The following UNC13C variants were observed in gnomAD, a reference collection of about 807,000 sequenced individuals.
UNC13C encodes unc-13 homolog C, also known as protein unc-13 homolog C.
UNC13C carries 174 observed loss-of-function variants against 245.4 expected under a neutral mutation model. That is an observed-to-expected ratio of 0.71 (90% confidence interval 0.63 to 0.80). The LOEUF (loss-of-function observed/expected upper bound fraction) is 0.80, where lower values mean the gene tolerates loss of function less well. Among genes scored for constraint, UNC13C ranks in the 30% least tolerant of loss-of-function variants. The probability of loss-of-function intolerance (pLI) is 0.00; values close to 1 mark genes in which losing one functional copy is unlikely to be tolerated. For missense variants in UNC13C, 2,829 were observed against 2,602.9 expected, an observed-to-expected ratio of 1.09 and a Z score of -1.89; for synonymous variants, 992 against 895.1, an observed-to-expected ratio of 1.11 and a Z score of -1.93.
At chr15:54,229,825 A>C (rs7178272) in intron 4 of UNC13C, among the ~76,000 whole-genome samples, 25,452 of 151,884 alleles carry the variant, frequency 0.17, 2,677 homozygotes, top group African/African-American at 0.29. Context: ...TCTATTCCCT[A>C]GTTCTGAGAT....
chr15:54,046,336 A>T (rs2141043347), intron 2 of UNC13C, among the ~76,000 whole-genome samples: 1 of 152,314 alleles, frequency 6.6e-6, no homozygotes, highest in East Asian at 1.9e-4. Flanking sequence ...GGATTACATC[A>T]TTCTGGATTG....
At chr15:54,259,408 G>A (rs1044440258) in intron 8 of UNC13C, among the ~76,000 whole-genome samples, 6 of 152,190 alleles carry the variant, frequency 3.9e-5, no homozygotes, top group South Asian at 2.1e-4. Context: ...CAGTCATGGC[G>A]GAAGGCGAAA....
chr15:53,980,519 C>G (rs1416347589), intron 1 of UNC13C, among the ~76,000 whole-genome samples: 1 of 152,106 alleles, frequency 6.6e-6, no homozygotes, highest in East Asian at 1.9e-4. Context: ...GATCAAGGAT[C>G]ATCTAAAAGA....
At chr15:53,935,753 GAGTGTT>G in the UNC13C span, among the ~76,000 whole-genome samples, 1 of 152,154 alleles carries the variant, frequency 6.6e-6, no homozygotes, top group African/African-American at 2.4e-5. Flanking sequence ...GATAGGTGGT[GAGTGTT>G]ATGTGACCCT....
In UNC13C at chr15:54,441,732, C is replaced by T. The variant is rs114811033; in HGVS notation, c.4933+26665C>T. On this transcript the variant is annotated intron_variant, in intron 19 of 32. Transcript: ENST00000260323. ...TTTTTTTCATTTATTTGAAAAACTACGTTGGTATTTTAATAGTGGGTACAC... is the reference window on the plus strand; with the variant it reads ...TTTTTTTCATTTATTTGAAAAACTATGTTGGTATTTTAATAGTGGGTACAC... Among the ~76,000 whole-genome samples the T allele has an allele frequency of 5.2e-3, 787 of 151,788 alleles. 7 individuals carry two copies. The highest frequency in any genetic ancestry group is 0.018 in the African/African-American group (759 of 41,426).
intron 4 of UNC13C, among the ~76,000 whole-genome samples, chr15:54,146,927 A>G (rs1488722533): frequency 6.6e-6 from 1 of 152,180 alleles, no homozygotes; most frequent in Admixed American, 6.5e-5. Context: ...ATTGACTATA[A>G]TGAGGCTAAA....
At chr15:54,365,474 A>G (rs1422848742) in intron 17 of UNC13C, among the ~76,000 whole-genome samples, 1 of 152,200 alleles carries the variant, frequency 6.6e-6, no homozygotes, top group Non-Finnish European at 1.5e-5. Flanking sequence ...ATATACACCC[A>G]TGAAACCATC....
chr15:54,554,642 A>G (rs948334180), intron 28 of UNC13C, among the ~76,000 whole-genome samples: 2 of 152,092 alleles, frequency 1.3e-5, no homozygotes, highest in Non-Finnish European at 2.9e-5. Flanking sequence ...CTGGCACAAA[A>G]TAAACACTCA....
the UNC13C span, among the ~76,000 whole-genome samples, chr15:53,873,923 T>TTCCTTTCTTCCTTC: frequency 2.7e-4 from 13 of 47,604 alleles, no homozygotes; most frequent in African/African-American, 1.0e-3. Flanking sequence ...TTCCTTCCTT[T>TTCCTTTCTTCCTTC]CTTCCTTCCT....
At chr15:54,561,365 A>C in intron 29 of UNC13C, among the ~76,000 whole-genome samples, 1 of 152,056 alleles carries the variant, frequency 6.6e-6, no homozygotes, top group South Asian at 2.1e-4. Flanking sequence ...CAGATTAAAA[A>C]TATCATAAAG....
Position 54,073,394 on chromosome 15 carries a change from C to A in UNC13C, c.2983+57508C>A, listed in dbSNP as rs182361426. 1.9e-4 allele frequency among the ~76,000 whole-genome samples: 29 copies of A among 152,262 alleles called. No individual in the cohort carries two copies. The East Asian group carries it at 3.3e-3, about 17-fold the overall frequency. ...TGATTTATAATCCTTTGGTTATATA[C>A]CCAGTAATGGGATTGCTGGGTCCAA... On this transcript the variant is annotated intron_variant, in intron 2 of 32. Transcript: ENST00000260323.
chr15:54,111,204 C>T (rs1289649165), intron 2 of UNC13C, among the ~76,000 whole-genome samples: 2 of 152,204 alleles, frequency 1.3e-5, no homozygotes, highest in Non-Finnish European at 2.9e-5. Context: ...CAATAGACAT[C>T]AAAGGCTCCC....
At chr15:53,936,556 C>T in the UNC13C span, among the ~76,000 whole-genome samples, 2 of 152,224 alleles carry the variant, frequency 1.3e-5, no homozygotes, top group African/African-American at 2.4e-5. Flanking sequence ...AGACCCTGGT[C>T]CCATTCCTCC....
rs76790455 is a variant in UNC13C at position 54,331,556 on chromosome 15, C to A, written c.4426-487C>A. ...GCTTCCAAAAAGAAAATATTTTTTC[C>A]AATTGGTTTTGACAAAAACAACACC... On this transcript the variant is annotated intron_variant, in intron 14 of 32. Coordinates refer to ENST00000260323, the MANE Select transcript of UNC13C (RefSeq NM_001080534.3). Among the ~76,000 whole-genome samples the A allele has an allele frequency of 3.9e-3, 589 of 152,002 alleles. 25 individuals carry two copies. The East Asian group carries it at 0.082, about 21-fold the overall frequency.
chr15:54,584,044 G>A (rs1323977063), intron 30 of UNC13C, among the ~76,000 whole-genome samples: 2 of 152,148 alleles, frequency 1.3e-5, no homozygotes, highest in Non-Finnish European at 2.9e-5. Flanking sequence ...GTAAGTAAGA[G>A]ATTTCTTCTG....
At chr15:54,151,025 C>A (rs569088020) in intron 4 of UNC13C, among the ~76,000 whole-genome samples, 1 of 152,284 alleles carries the variant, frequency 6.6e-6, no homozygotes, top group East Asian at 1.9e-4. Context: ...TAGATTGGCA[C>A]CTTTTTGATC....
At chr15:54,231,442 T>G (rs2140816560) in intron 4 of UNC13C, among the ~76,000 whole-genome samples, 1 of 152,128 alleles carries the variant, frequency 6.6e-6, no homozygotes, top group South Asian at 2.1e-4. Flanking sequence ...GGCTCAAACC[T>G]TGGCACTGCC....
At chr15:53,986,688 C>A (rs2140953822) in intron 1 of UNC13C, among the ~76,000 whole-genome samples, 1 of 152,152 alleles carries the variant, frequency 6.6e-6, no homozygotes, top group South Asian at 2.1e-4. Flanking sequence ...AATTGCTTCT[C>A]AGTTCAGTCA....
the UNC13C span, among the ~76,000 whole-genome samples, chr15:53,886,893 T>C: frequency 4.6e-5 from 7 of 152,110 alleles, no homozygotes; most frequent in Admixed American, 4.6e-4. Context: ...TAAGTCGCAA[T>C]AGGGCAGCAT....
Sources: gnomAD v4.1 joint callset for allele counts (sites outside exome capture counted in the v4.1 genomes callset) on GRCh38, gnomAD v4.1.1 for gene constraint, MANE v1.5 for transcripts, NCBI Gene and HGNC (gene_info 2026-07-23, HGNC 2026-07-21) for gene names.